PRPF8: variants seen among roughly 807,000 people sequenced by gnomAD.
The protein encoded by PRPF8 is pre-mRNA-processing-splicing factor 8.
A neutral mutation model predicts 285.9 loss-of-function variants in PRPF8; 64 were observed. The ratio of observed to expected loss-of-function variants is 0.22; its 90% CI spans 0.18 to 0.28. The LOEUF is 0.28. PRPF8 is among the 10% of genes least tolerant of loss of function. PRPF8 has a pLI of 1.00. For synonymous variants in PRPF8, 1,325 were observed against 1,118.2 expected (o/e 1.18, Z -3.69); for missense variants, 1,426 against 3,026.7 (o/e 0.47, Z 12.41).
Position 1,651,530 on chromosome 17 carries a change from G to T in PRPF8, c.6534C>A (p.Ile2178=). ...GCGGGGACTCATTGGGCTGAGTGTG[G>T]ATCCAACCTAAGGGTTCCATCTCCT... ...YLKEMEPLGW[I]HTQPNESPQL... Residue 2178 remains isoleucine, a synonymous_variant, in exon 41 of 43, where the codon ATC becomes ATA. Transcript: ENST00000304992. The surrounding 1 kb of genome is among the most constrained non-coding windows in gnomAD (Gnocchi z 5.1). 6.2e-7 allele frequency: 1 copy of T among 1,614,110 alleles called. No individual in the cohort carries two copies. Among genetic ancestry groups the T allele is most frequent in the Non-Finnish European group, 8.5e-7 (1 of 1,180,026 alleles).
At chr17:1,677,768 T>A in intron 13 of PRPF8, 74 bp from the exon 14 acceptor site, 1 of 1,587,760 alleles carries the variant, frequency 6.3e-7, no homozygotes, top group South Asian at 1.1e-5. Context: ...TGGGCAGAGG[T>A]GGGGCATATA....
In PRPF8 at chr17:1,661,418, A is replaced by C; in HGVS notation, c.4203-12T>G. 1 of 1,614,204 alleles carries C rather than the reference A, an allele frequency of 6.2e-7. No individual in the cohort carries two copies. Among genetic ancestry groups the C allele is most frequent in the Non-Finnish European group, 8.5e-7 (1 of 1,180,050 alleles). The stretch of plus-strand genomic sequence containing the variant: ...CTAAAGTCAGGCGTCTTCCAAAAAA[A>C]GAAAGATTCAAGTCAAAACGTGATC... On this transcript the variant is annotated splice_polypyrimidine_tract_variant and intron_variant, in intron 26 of 42. Coordinates refer to ENST00000304992, the MANE Select transcript of PRPF8 (RefSeq NM_006445.4). The surrounding 1 kb of genome is among the most constrained non-coding windows in gnomAD (Gnocchi z 7.3).
chr17:1,679,229 A>G lies in PRPF8; in HGVS notation c.1410-23T>C, dbSNP rs774747457. 9.3e-6 allele frequency: 15 copies of G among 1,614,104 alleles called. No homozygotes were observed. Among genetic ancestry groups the G allele is most frequent in the African/African-American group, 1.3e-5 (1 of 74,932 alleles). ...TACCTGAGGTGGGAACATGGAGAGT[A>G]AGAGTCAGCCTACTGATATCTCTGG... On this transcript the variant is annotated intron_variant, in intron 10 of 42. Coordinates refer to ENST00000304992, the MANE Select transcript of PRPF8 (RefSeq NM_006445.4). This position sits in a 1 kb window ranked among gnomAD's most constrained non-coding sequence, Gnocchi z 4.7.
Position 1,661,437 on chromosome 17 carries a change from C to A in PRPF8, c.4203-31G>T. ...AAAAAAAGAAAGATTCAAGTCAAAA[C>A]GTGATCTCATATGAGGAGCTCAGCA... On this transcript the variant is annotated intron_variant, in intron 26 of 42. Coordinates refer to ENST00000304992, the MANE Select transcript of PRPF8 (RefSeq NM_006445.4). The surrounding 1 kb of genome is among the most constrained non-coding windows in gnomAD (Gnocchi z 7.3). The A allele has an allele frequency of 1.9e-6, 3 of 1,614,046 alleles. No individual in the cohort carries two copies. Among genetic ancestry groups the A allele is most frequent in the Non-Finnish European group, 2.5e-6 (3 of 1,180,030 alleles).
intron 24 of PRPF8, among the ~76,000 whole-genome samples, chr17:1,670,898 G>A (rs1912276815): frequency 6.6e-6 from 1 of 150,484 alleles, no homozygotes; most frequent in Non-Finnish European, 1.5e-5. Flanking sequence ...ATCTAACACA[G>A]AAATTTGACA....
At chr17:1,670,945 A>AAAAAG (rs111917300) in intron 24 of PRPF8, among the ~76,000 whole-genome samples, 1 of 151,078 alleles carries the variant, frequency 6.6e-6, no homozygotes, top group Non-Finnish European at 1.5e-5. Context: ...CAAAAAAAAA[A>AAAAAG]AAGAAGAAAA....
chr17:1,660,170 C>T (rs562607104), intron 30 of PRPF8, among the ~76,000 whole-genome samples, 169 bp from the exon 31 acceptor site: 1 of 151,782 alleles, frequency 6.6e-6, no homozygotes, highest in African/African-American at 2.4e-5. Context: ...ACGCTCTCCC[C>T]GCGATTCCAC....
In PRPF8 at chr17:1,684,794, C is replaced by T. The variant is rs1567695089; in HGVS notation, c.-26G>A. ...CTGCCACGCACCCCACAGGCCCTCA[C>T]ACAAGAGGCCGCTTTCCCCGCAGCG... On this transcript the variant is annotated 5_prime_UTR_variant, in exon 1 of 43. The change creates a new upstream start codon in the 5' untranslated region. Coordinates refer to ENST00000304992, the MANE Select transcript of PRPF8 (RefSeq NM_006445.4). 1.7e-6 allele frequency: 1 copy of T among 601,258 alleles called. No homozygotes were observed. The highest frequency in any genetic ancestry group is 2.8e-5 in the East Asian group (1 of 36,108). The allele number at this position is 601,258 out of a possible 1,614,324, so 37.2% of individuals were successfully genotyped here.
Position 1,659,999 on chromosome 17 carries a change from C to T in PRPF8, c.4788G>A (p.Val1596=), listed in dbSNP as rs372637964. 3 of 1,614,130 alleles carry T rather than the reference C, an allele frequency of 1.9e-6. No individual in the cohort carries two copies. The highest frequency in any genetic ancestry group is 2.5e-6 in the Non-Finnish European group (3 of 1,179,946). Residue 1596 remains valine, a splice_region_variant and synonymous_variant, in exon 31 of 43, where the codon GTG becomes GTA. Coordinates refer to ENST00000304992, the MANE Select transcript of PRPF8 (RefSeq NM_006445.4). This position sits in a 1 kb window ranked among gnomAD's most constrained non-coding sequence, Gnocchi z 5.1. The part of the protein sequence containing the change: ...HESIVMDLCQ[V]FDQELDALEI... Reference sequence around the variant, plus strand: ...CCAGTGCATCAAGTTCCTGGTCAAACACCTGAAGGAAAACATGGAGAGATT... The same window carrying T: ...CCAGTGCATCAAGTTCCTGGTCAAATACCTGAAGGAAAACATGGAGAGATT...
rs11652160 is a variant in PRPF8, at chr17:1,674,691, A to C, written c.3061-11T>G. On this transcript the variant is annotated splice_polypyrimidine_tract_variant and intron_variant, in intron 20 of 42. Coordinates refer to ENST00000304992, the MANE Select transcript of PRPF8 (RefSeq NM_006445.4). ...CGTATGGTTCATGTCCTAGAAAGAA[A>C]GAACTACAATTCTTAAGAATGTGAG... The C allele has an allele frequency of 0.015, 23,423 of 1,609,294 alleles. 234 individuals carry two copies. The highest frequency in any genetic ancestry group is 0.018 in the Non-Finnish European group (20,824 of 1,175,812).
At chr17:1,665,230 A>G (rs1911899813) in intron 24 of PRPF8, among the ~76,000 whole-genome samples, 1 of 151,624 alleles carries the variant, frequency 6.6e-6, no homozygotes, top group Non-Finnish European at 1.5e-5. Context: ...ACAGAAGTGA[A>G]TAATACTATT....
rs1239934161 is a variant in PRPF8 at position 1,656,833 on chromosome 17, A to T, written c.5506-72T>A. 3.1e-6 allele frequency: 4 copies of T among 1,311,362 alleles called. No individual in the cohort carries two copies. The South Asian group carries it at 3.7e-5, about 12-fold the overall frequency. The allele number at this position is 1,311,362 out of a possible 1,614,324, so 81.2% of individuals were successfully genotyped here. A position where few individuals can be genotyped will look rare whatever the true frequency, so the allele number is the denominator to read the frequency against. ...CAGATCAACTAGAACAGAATATCCT[A>T]GTTTTGAAATAATCCAACTACGTTT... On this transcript the variant is annotated intron_variant, in intron 34 of 42. Transcript: ENST00000304992.
Position 1,662,255 on chromosome 17 carries a change from T to C in PRPF8, c.3775-102A>G. On this transcript the variant is annotated intron_variant, in intron 24 of 42. Transcript: ENST00000304992. ...TTTTATCCCTACTACTAAAGAAAGA[T>C]TTGAGTTCAACATCATTAGTCACTA... 1.5e-6 allele frequency: 2 copies of C among 1,351,432 alleles called. 1 individual carries two copies. The allele number at this position is 1,351,432 out of a possible 1,614,324, so 83.7% of individuals were successfully genotyped here.
At chr17:1,665,443 C>G (rs1358932326) in intron 24 of PRPF8, among the ~76,000 whole-genome samples, 1 of 151,918 alleles carries the variant, frequency 6.6e-6, no homozygotes, top group African/African-American at 2.4e-5. Flanking sequence ...GAGGCTGAGG[C>G]AGGAGAATGA....
chr17:1,674,082 G>A (rs928955432), intron 21 of PRPF8, among the ~76,000 whole-genome samples, 190 bp from the exon 22 acceptor site: 2 of 152,134 alleles, frequency 1.3e-5, no homozygotes, highest in Non-Finnish European at 2.9e-5. Flanking sequence ...GAGCGCAGCG[G>A]CGCAATCCCG....
In PRPF8 at chr17:1,679,435, T is replaced by A. The variant is rs368342172; in HGVS notation, c.1290-25A>T. 1.2e-6 allele frequency: 2 copies of A among 1,612,050 alleles called. No individual in the cohort carries two copies. ...CCTGGAAAAATAAGCCCACCAGAGT[T>A]TGGCCATCTCTTCTTCCAGACACTC... On this transcript the variant is annotated intron_variant, in intron 9 of 42. Transcript: ENST00000304992. The surrounding 1 kb of genome is among the most constrained non-coding windows in gnomAD (Gnocchi z 4.7).
In PRPF8 at chr17:1,655,459, T is replaced by C. The variant is rs780134837; in HGVS notation, c.5878A>G (p.Thr1960Ala). The C allele has an allele frequency of 6.2e-7, 1 of 1,614,108 alleles. No homozygotes were observed. The highest frequency in any genetic ancestry group is 1.1e-5 in the South Asian group (1 of 91,080). The change falls in exon 37 of 43, where the codon ACT becomes GCT. Residue 1960 changes from threonine to alanine, a missense_variant. This residue lies in a region of PRPF8 where 35 missense variants were observed against 47.7 expected (regional missense o/e 0.73). Coordinates refer to ENST00000304992, the MANE Select transcript of PRPF8 (RefSeq NM_006445.4). ...CAGATGTGGTGTGGTTCTGTAATAG[T>C]AGTCTTGTCTGGCTTCAGGATCACT... ...AKVILKPDKT[T>A]ITEPHHIWPT...
chr17:1,679,416 A>G lies in PRPF8; in HGVS notation c.1290-6T>C. On this transcript the variant is annotated splice_polypyrimidine_tract_variant and splice_region_variant and intron_variant, in intron 9 of 42. Transcript: ENST00000304992. The surrounding 1 kb of genome is among the most constrained non-coding windows in gnomAD (Gnocchi z 4.7). ...CAGGACAATGCTCCCGATACCTGGA[A>G]AAATAAGCCCACCAGAGTTTGGCCA... 1 of 1,612,570 alleles carries G rather than the reference A, an allele frequency of 6.2e-7. No individual in the cohort carries two copies. The highest frequency in any genetic ancestry group is 8.5e-7 in the Non-Finnish European group (1 of 1,180,018).
chr17:1,656,339 C>T lies in PRPF8; in HGVS notation c.5793+53G>A. The T allele has an allele frequency of 1.9e-6, 3 of 1,610,390 alleles. No individual in the cohort carries two copies. In the South Asian group the frequency reaches 3.3e-5, roughly 18 times the overall value. On this transcript the variant is annotated intron_variant, in intron 36 of 42. Coordinates refer to ENST00000304992, the MANE Select transcript of PRPF8 (RefSeq NM_006445.4). The stretch of plus-strand genomic sequence containing the variant: ...CAAAAACCTGACACAGGATCTTCTC[C>T]TAACCCTAAACCCGCTCCTCCTCCA...
Sources: gnomAD v4.1 joint callset for allele counts (sites outside exome capture counted in the v4.1 genomes callset) on GRCh38, gnomAD v4.1.1 for gene constraint, gnomAD v4.1.1 regional missense constraint, Gnocchi (gnomAD v3.1) non-coding constraint, MANE v1.5 for transcripts, NCBI Gene and HGNC (gene_info 2026-07-23, HGNC 2026-07-21) for gene names.